LRP1B: variants seen among roughly 807,000 people sequenced by gnomAD.
LRP1B encodes the protein low-density lipoprotein receptor-related protein 1B.
A neutral mutation model predicts 556.6 loss-of-function variants in LRP1B; 217 were observed. The observed-to-expected ratio is 0.39, with a 90% confidence interval of 0.35 to 0.44. The LOEUF (loss-of-function observed/expected upper bound fraction) is 0.44, where lower values mean the gene tolerates loss of function less well. LRP1B is among the 20% of genes least tolerant of loss of function. The pLI is 1.00. For missense variants in LRP1B, 5,053 were observed against 5,620.8 expected (o/e 0.90, Z 3.23); for synonymous variants, 2,047 against 1,865.8 (o/e 1.10, Z -2.50).
chr2:141,278,873 G>T (rs2105383323), intron 3 of LRP1B, among the ~76,000 whole-genome samples: 1 of 152,114 alleles, frequency 6.6e-6, no homozygotes, highest in South Asian at 2.1e-4. Context: ...TCTGTCTCTG[G>T]CCAATACTGA....
chr2:140,579,290 C>T (rs1681663435), intron 43 of LRP1B, among the ~76,000 whole-genome samples: 1 of 152,090 alleles, frequency 6.6e-6, no homozygotes, highest in Non-Finnish European at 1.5e-5. Context: ...CACATATTAT[C>T]ATGTCATAAA....
At chr2:142,088,810 C>T (rs757401038) in intron 1 of LRP1B, among the ~76,000 whole-genome samples, 17 of 151,676 alleles carry the variant, frequency 1.1e-4, no homozygotes, top group Admixed American at 2.0e-4. Context: ...CCCGTCTCTA[C>T]TAAAAACACA....
chr2:140,458,604 T>C (rs1278900179), intron 60 of LRP1B, among the ~76,000 whole-genome samples: 1 of 152,098 alleles, frequency 6.6e-6, no homozygotes, highest in East Asian at 1.9e-4. Flanking sequence ...TTCTGACATG[T>C]TCATTAATGA....
intron 2 of LRP1B, among the ~76,000 whole-genome samples, chr2:141,763,600 G>T (rs6721767): frequency 0.23 from 34,742 of 151,926 alleles, 4,172 homozygotes; most frequent in African/African-American, 0.3. Flanking sequence ...ATGAAACTAC[G>T]ACATGATGGC....
intron 14 of LRP1B, among the ~76,000 whole-genome samples, chr2:141,012,178 A>G (rs1697773167): frequency 1.3e-5 from 2 of 152,066 alleles, no homozygotes; most frequent in East Asian, 3.9e-4. Flanking sequence ...TTAGTTAAAC[A>G]ACTCACTAAA....
chr2:141,819,333 A>C (rs1275371436), intron 1 of LRP1B, among the ~76,000 whole-genome samples: 1 of 152,114 alleles, frequency 6.6e-6, no homozygotes, highest in Non-Finnish European at 1.5e-5. Flanking sequence ...TACTCAAAAC[A>C]CCGAAAAGCT....
At chr2:140,607,433 C>T (rs560486646) in intron 41 of LRP1B, among the ~76,000 whole-genome samples, 38 of 151,996 alleles carry the variant, frequency 2.5e-4, no homozygotes, top group African/African-American at 6.0e-4. Context: ...CCAAGAGAAA[C>T]GAAAACGTAC....
chr2:140,954,858 T>A (rs1394808031), intron 18 of LRP1B, among the ~76,000 whole-genome samples: 2 of 151,958 alleles, frequency 1.3e-5, no homozygotes, highest in African/African-American at 2.4e-5. Context: ...CCAACTTAGC[T>A]TATGGAGAAA....
At chr2:140,714,547 T>C (rs16844593) in intron 37 of LRP1B, among the ~76,000 whole-genome samples, 2,108 of 152,250 alleles carry the variant, frequency 0.014, 57 homozygotes, top group African/African-American at 0.047. Flanking sequence ...GAATCTATAA[T>C]AGGGTAGACA....
At chr2:142,116,265 A>G (rs1707273012) in intron 1 of LRP1B, among the ~76,000 whole-genome samples, 1 of 151,552 alleles carries the variant, frequency 6.6e-6, no homozygotes, top group Non-Finnish European at 1.5e-5. Context: ...AACATAACTA[A>G]TAATAGGGTA....
chr2:140,278,274 G>C (rs1682768640), intron 84 of LRP1B, among the ~76,000 whole-genome samples: 1 of 151,956 alleles, frequency 6.6e-6, no homozygotes, highest in South Asian at 2.1e-4. Flanking sequence ...TGTTTTTCTT[G>C]AATGCTGGTT....
At chr2:141,790,424 C>T (rs137857387) in intron 2 of LRP1B, among the ~76,000 whole-genome samples, 214 of 151,636 alleles carry the variant, frequency 1.4e-3, no homozygotes, top group African/African-American at 4.4e-3. Flanking sequence ...TCTATTGTGC[C>T]CTGGGAATTC....
intron 2 of LRP1B, among the ~76,000 whole-genome samples, chr2:141,550,524 G>A (rs186788084): frequency 1.3e-5 from 2 of 152,116 alleles, no homozygotes; most frequent in East Asian, 1.9e-4. Flanking sequence ...GTACTATAAC[G>A]TAAAGTAAAA....
chr2:141,825,434 A>C (rs1406874144), intron 1 of LRP1B, among the ~76,000 whole-genome samples: 3 of 152,200 alleles, frequency 2.0e-5, no homozygotes, highest in African/African-American at 7.2e-5. Context: ...CTTTTATTTC[A>C]ACTGTATCAT....
At chr2:141,212,424 T>G (rs2105255830) in intron 6 of LRP1B, among the ~76,000 whole-genome samples, 1 of 150,764 alleles carries the variant, frequency 6.6e-6, no homozygotes, top group Admixed American at 6.6e-5. Context: ...GACTACAGGC[T>G]TCCACCACCA....
intron 23 of LRP1B, among the ~76,000 whole-genome samples, chr2:140,886,594 G>A (rs1693642154): frequency 6.7e-6 from 1 of 149,184 alleles, no homozygotes; most frequent in Non-Finnish European, 1.5e-5. Flanking sequence ...AAGAATTATT[G>A]CCACGCAAAG....
At chr2:140,534,943 G>T (rs1690882776) in intron 46 of LRP1B, among the ~76,000 whole-genome samples, 1 of 152,168 alleles carries the variant, frequency 6.6e-6, no homozygotes, top group Non-Finnish European at 1.5e-5. Context: ...AATTACACTA[G>T]CAGGTTTGGG....
intron 7 of LRP1B, among the ~76,000 whole-genome samples, chr2:141,116,050 T>C (rs574596382): frequency 6.6e-6 from 1 of 152,228 alleles, no homozygotes; most frequent in Non-Finnish European, 1.5e-5. Flanking sequence ...AATGGAGAGT[T>C]TTCTTTTTTC....
chr2:141,985,380 G>C (rs1702158094), intron 1 of LRP1B, among the ~76,000 whole-genome samples: 1 of 151,876 alleles, frequency 6.6e-6, no homozygotes, highest in Non-Finnish European at 1.5e-5. Flanking sequence ...CCATCAAAGA[G>C]GGTCACTATT....
Sources: allele counts gnomAD v4.1 joint callset (sites outside exome capture counted in the v4.1 genomes callset), GRCh38; gene constraint gnomAD v4.1.1; transcripts MANE v1.5; gene names NCBI Gene and HGNC (gene_info 2026-07-23, HGNC 2026-07-21).